Variants in DNM2 observed in about 807,000 individuals in gnomAD.
The protein encoded by DNM2 is dynamin 2.
In DNM2, 15 loss-of-function variants were observed where a neutral mutation model predicts 99.0. That is an observed-to-expected ratio of 0.15 (90% CI 0.10 to 0.23). The LOEUF is 0.23. Ranked by LOEUF, DNM2 falls within the 10% of genes least tolerant of loss-of-function variation. The pLI is 1.00. For synonymous variants in DNM2, 525 were observed against 481.2 expected, an observed-to-expected ratio of 1.09 and a Z score of -1.19; for missense variants, 742 against 1,189.4, an observed-to-expected ratio of 0.62 and a Z score of 5.53.
Position 10,812,232 on chromosome 19 carries a change from G to A in DNM2, c.1558-32G>A, listed in dbSNP as rs1006836282. The A allele has an allele frequency of 1.3e-6, 2 of 1,548,564 alleles. No homozygotes were observed. Among genetic ancestry groups the A allele is most frequent in the African/African-American group, 2.7e-5 (2 of 73,198 alleles). ...GGGGGATGGCTGGGGCACGGAGCGA[G>A]GTTCCCTGCTAAGCTGCGCGCTTTC... On this transcript the variant is annotated intron_variant, in intron 14 of 20. Coordinates refer to ENST00000389253, the MANE Select transcript of DNM2 (RefSeq NM_001005361.3). The surrounding 1 kb of genome is among the most constrained non-coding windows in gnomAD (Gnocchi z 4.0).
intron 6 of DNM2, among the ~76,000 whole-genome samples, chr19:10,784,173 T>C (rs1300374402): frequency 6.6e-6 from 1 of 152,122 alleles, no homozygotes. Flanking sequence ...AGTCATCTTT[T>C]CATGCACATA....
Position 10,796,217 on chromosome 19 carries a change from G to C in DNM2, c.1196+778G>C, listed in dbSNP as rs763908447. The C allele has an allele frequency of 8.7e-5, 141 of 1,613,748 alleles. 2 individuals are homozygous for C. The Middle Eastern group carries it at 1.5e-3, about 18-fold the overall frequency. On this transcript the variant is annotated intron_variant, in intron 9 of 20. Coordinates refer to ENST00000389253, the MANE Select transcript of DNM2 (RefSeq NM_001005361.3). The surrounding 1 kb of genome is among the most constrained non-coding windows in gnomAD (Gnocchi z 5.6). The stretch of plus-strand genomic sequence containing the variant: ...CCAGTAAGGTATTGCTCCCTCGGCA[G>C]GGTGACTCCTGACCTTGTGGAAACG...
At chr19:10,792,765 A>G (rs1446340621) in intron 7 of DNM2, among the ~76,000 whole-genome samples, 1 of 151,876 alleles carries the variant, frequency 6.6e-6, no homozygotes, top group Middle Eastern at 3.2e-3. Context: ...GCACCACCAC[A>G]CCCAGCTCGT....
At chr19:10,745,935 A>G (rs1375335786) in intron 1 of DNM2, among the ~76,000 whole-genome samples, 3 of 152,230 alleles carry the variant, frequency 2.0e-5, no homozygotes, top group African/African-American at 7.2e-5. Context: ...GCCCTGCGAC[A>G]GCAATGTCTG....
chr19:10,822,045 AC>A (rs2072988368), intron 16 of DNM2, among the ~76,000 whole-genome samples: 2 of 152,122 alleles, frequency 1.3e-5, no homozygotes, highest in Non-Finnish European at 1.5e-5. Context: ...TGTCTTAACC[AC>A]ACCTGGATGT....
intron 17 of DNM2, chr19:10,824,470 C>A (rs182584145): frequency 1.0e-5 from 2 of 196,360 alleles, no homozygotes; most frequent in African/African-American, 4.7e-5. Context: ...CATTGCACTC[C>A]AGCCTGGGCG....
At chr19:10,754,135 T>G (rs2070301605) in intron 1 of DNM2, among the ~76,000 whole-genome samples, 1 of 152,198 alleles carries the variant, frequency 6.6e-6, no homozygotes, top group Non-Finnish European at 1.5e-5. Context: ...TTGTAACAAT[T>G]CTGTGGGCAA....
At chr19:10,829,013 C>T (rs1165934463) in intron 18 of DNM2, 23 bp from the exon 19 acceptor site, 1 of 1,607,326 alleles carries the variant, frequency 6.2e-7, no homozygotes, top group South Asian at 1.1e-5. Flanking sequence ...ACAAGCCTGA[C>T]CCTCCCCAAC....
At chr19:10,757,370 C>A (rs1159446611) in intron 1 of DNM2, among the ~76,000 whole-genome samples, 2 of 152,194 alleles carry the variant, frequency 1.3e-5, no homozygotes, top group Admixed American at 6.5e-5. Flanking sequence ...GCACATCTCC[C>A]CCCCGACGCC....
chr19:10,824,002 G>C (rs1008461433), intron 17 of DNM2, 103 bp downstream of exon 17: 47 of 1,127,400 alleles, frequency 4.2e-5, no homozygotes, highest in Admixed American at 8.3e-5. Flanking sequence ...TGTTAGCCAG[G>C]AGTCTCTGAA....
intron 3 of DNM2, among the ~76,000 whole-genome samples, chr19:10,774,573 T>C (rs1434633217): frequency 6.6e-6 from 1 of 152,036 alleles, no homozygotes; most frequent in African/African-American, 2.4e-5. Flanking sequence ...ATTACAGGCA[T>C]GCGCCACCTC....
intron 2 of DNM2, among the ~76,000 whole-genome samples, chr19:10,760,702 C>T (rs1451544485): frequency 6.6e-6 from 1 of 151,848 alleles, no homozygotes; most frequent in South Asian, 2.1e-4. Context: ...CACTCTGTTC[C>T]CCAGGCCGTG....
chr19:10,786,319 GC>G (rs1253933547), intron 6 of DNM2: 6 of 600,970 alleles, frequency 1.0e-5, no homozygotes, highest in Non-Finnish European at 1.8e-5. Context: ...TAGGCCCAGT[GC>G]CTGATGTCGG....
chr19:10,763,804 C>T (rs1015209229), intron 2 of DNM2, among the ~76,000 whole-genome samples: 6 of 152,012 alleles, frequency 3.9e-5, no homozygotes, highest in African/African-American at 1.2e-4. Flanking sequence ...TGCATGGTGG[C>T]GGGAGACCAC....
In DNM2 at chr19:10,811,906, T is replaced by C. The variant is rs1397832646; in HGVS notation, c.1558-358T>C. The C allele has an allele frequency of 6.5e-6, 3 of 462,294 alleles. No individual in the cohort carries two copies. The highest frequency in any genetic ancestry group is 1.5e-5 in the South Asian group (1 of 65,212). The allele number at this position is 462,294 out of a possible 1,614,324, so 28.6% of individuals were successfully genotyped here. A position where few individuals can be genotyped will look rare whatever the true frequency, so the allele number is the denominator to read the frequency against. ...TGTGGATGCTACCCTTGGAACCTTA[T>C]CTCACGCAAACAAGTGCAGTTCCTC... is the stretch of plus-strand genomic sequence containing the variant. On this transcript the variant is annotated intron_variant, in intron 14 of 20. Coordinates refer to ENST00000389253, the MANE Select transcript of DNM2 (RefSeq NM_001005361.3). The surrounding 1 kb of genome is among the most constrained non-coding windows in gnomAD (Gnocchi z 5.4).
In DNM2 at chr19:10,831,677, C is replaced by T. The variant is rs1026476878; in HGVS notation, c.*630C>T. The T allele has an allele frequency of 1.1e-5, 11 of 986,238 alleles. No homozygotes were observed. The highest frequency in any genetic ancestry group is 1.1e-4 in the East Asian group (1 of 8,792). The allele number at this position is 986,238 out of a possible 1,614,324, so 61.1% of individuals were successfully genotyped here. ...CCGGCCTTGCCCTATTCCTCTCCTC[C>T]TCCTCCTCCTGGGTCCCCCAGGGTG... On this transcript the variant is annotated 3_prime_UTR_variant, in exon 21 of 21. Transcript: ENST00000389253. This position sits in a 1 kb window ranked among gnomAD's most constrained non-coding sequence, Gnocchi z 4.3.
At chr19:10,725,808 C>A (rs2069095335) in intron 1 of DNM2, among the ~76,000 whole-genome samples, 3 of 152,042 alleles carry the variant, frequency 2.0e-5, no homozygotes, top group African/African-American at 4.8e-5. Flanking sequence ...GACTGGAGTA[C>A]AGTGGCGTAA....
Position 10,817,969 on chromosome 19 carries a change from C to T in DNM2, c.1672-2011C>T, listed in dbSNP as rs1287836916. Among the ~76,000 whole-genome samples, 1 of 151,994 alleles carries T rather than the reference C, an allele frequency of 6.6e-6. No individual in the cohort carries two copies. Among genetic ancestry groups the T allele is most frequent in the Non-Finnish European group, 1.5e-5 (1 of 67,988 alleles). Reference sequence around the variant, plus strand: ...CCTGCTGGCTGGAAGCTTCCGGCCGCGTGATATGATAGGGTCAGGGCAGCA... The same window carrying T: ...CCTGCTGGCTGGAAGCTTCCGGCCGTGTGATATGATAGGGTCAGGGCAGCA... On this transcript the variant is annotated intron_variant, in intron 15 of 20. Coordinates refer to ENST00000389253, the MANE Select transcript of DNM2 (RefSeq NM_001005361.3). This position sits in a 1 kb window ranked among gnomAD's most constrained non-coding sequence, Gnocchi z 4.6.
intron 2 of DNM2, among the ~76,000 whole-genome samples, chr19:10,760,659 C>G (rs1472895109): frequency 6.6e-6 from 1 of 151,588 alleles, no homozygotes; most frequent in Non-Finnish European, 1.5e-5. Context: ...TCCCCATAAT[C>G]ACTTTTTTTA....
Sources: allele counts gnomAD v4.1 joint callset (sites outside exome capture counted in the v4.1 genomes callset), GRCh38; gene constraint gnomAD v4.1.1; non-coding constraint Gnocchi (gnomAD v3.1); transcripts MANE v1.5; gene names NCBI Gene and HGNC (gene_info 2026-07-23, HGNC 2026-07-21).